LAMA3: variants seen among roughly 807,000 people sequenced by gnomAD.
LAMA3 encodes the protein laminin subunit alpha 3, also known as laminin subunit alpha-3.
Under a neutral mutation model 402.0 loss-of-function variants are expected in LAMA3, and 281 were observed. The ratio of observed to expected loss-of-function variants is 0.70; its 90% CI spans 0.63 to 0.77. The LOEUF (loss-of-function observed/expected upper bound fraction) is 0.77, where lower values mean the gene tolerates loss of function less well. Ranked by LOEUF, LAMA3 falls within the 30% of genes least tolerant of loss-of-function variation. LAMA3 has a pLI of 0.00. For missense variants in LAMA3, 3,840 were observed against 4,215.5 expected (o/e 0.91, Z 2.47); for synonymous variants, 1,431 against 1,558.4 (o/e 0.92, Z 1.93).
At chr18:23,815,321 T>C (rs2063154290) in intron 16 of LAMA3, 81 bp downstream of exon 16, 1 of 1,418,690 alleles carries the variant, frequency 7.0e-7, no homozygotes, top group Middle Eastern at 1.8e-4. Context: ...CGTGTGTTAG[T>C]ACTTCTGTCA....
At chr18:23,801,764 GTTTGAT>G (rs969535196) in intron 12 of LAMA3, among the ~76,000 whole-genome samples, 3 of 152,044 alleles carry the variant, frequency 2.0e-5, no homozygotes, top group African/African-American at 7.2e-5. Flanking sequence ...CTCATTGTGG[GTTTGAT>G]TTTCATTTCC....
chr18:23,807,052 A>G lies in LAMA3; in HGVS notation c.1604-3314A>G, dbSNP rs1288654672. On this transcript the variant is annotated intron_variant, in intron 12 of 74. Transcript: ENST00000313654. ...AATAGTGATATTTTTGTGTATCTCT[A>G]TTACCACATCACACCGATGACTATC... Among the ~76,000 whole-genome samples, 4 of 152,206 alleles carry G rather than the reference A, an allele frequency of 2.6e-5. No homozygotes were observed. In the East Asian group the frequency reaches 7.7e-4, roughly 29 times the overall value.
intron 25 of LAMA3, among the ~76,000 whole-genome samples, chr18:23,838,341 A>G (rs1454646611): frequency 1.3e-5 from 2 of 152,190 alleles, no homozygotes; most frequent in Non-Finnish European, 2.9e-5. Context: ...GTCATTCTTT[A>G]TTAAGAAGGG....
intron 69 of LAMA3, 40 bp downstream of exon 69, chr18:23,944,011 G>A: frequency 6.3e-7 from 1 of 1,593,056 alleles, no homozygotes; most frequent in Non-Finnish European, 8.6e-7. Context: ...AGTTGGTGTG[G>A]AATTCACTGT....
intron 67 of LAMA3, among the ~76,000 whole-genome samples, chr18:23,937,158 G>A (rs942153317): frequency 1.3e-5 from 2 of 152,036 alleles, no homozygotes; most frequent in African/African-American, 4.8e-5. Flanking sequence ...CTGAGGTCAG[G>A]AGTTCAAGAC....
In LAMA3 at chr18:23,901,238, GT is replaced by G. The variant is rs777892220; in HGVS notation, c.6117del (p.Ala2040LeufsTer16). On this transcript the variant is annotated frameshift_variant, in exon 48 of 75. Transcript: ENST00000313654. LOFTEE classifies it high-confidence loss of function. ...TACGAAGCCAAACTCAGTGACCTTC[GT>G]GCTCGGCTGCAGGAGGCAGCTGCCC... ...NEYEAKLSDL[R>X]ARLQEAAAQA... 6.2e-7 allele frequency: 1 copy of G among 1,614,132 alleles called. No homozygotes were observed. Among genetic ancestry groups the G allele is most frequent in the Non-Finnish European group, 8.5e-7 (1 of 1,179,996 alleles).
chr18:23,768,362 C>T (rs1414928034), intron 8 of LAMA3, among the ~76,000 whole-genome samples: 1 of 152,152 alleles, frequency 6.6e-6, no homozygotes. Flanking sequence ...AGAAGACATA[C>T]AAGTGGCCAA....
At chr18:23,826,820 G>A (rs1377215054) in intron 22 of LAMA3, 21 bp downstream of exon 22, 8 of 1,465,648 alleles carry the variant, frequency 5.5e-6, no homozygotes, top group Non-Finnish European at 7.5e-6. Context: ...GGCAGAAGGT[G>A]CAGCCGCATC....
Position 23,864,885 on chromosome 18 carries a change from T to G in LAMA3, c.4683+2T>G, listed in dbSNP as rs765943112. 16 of 1,601,660 alleles carry G rather than the reference T, an allele frequency of 1.0e-5. No individual in the cohort carries two copies. The highest frequency in any genetic ancestry group is 1.3e-5 in the Non-Finnish European group (15 of 1,169,092). ...AAGAAGCCGGATGTACAGCTCACTGTAGGTATCAGAGCATGACCTAAGTGG... is the reference window on the plus strand; with the variant it reads ...AAGAAGCCGGATGTACAGCTCACTGGAGGTATCAGAGCATGACCTAAGTGG... On this transcript the variant is annotated splice_donor_variant, in intron 36 of 74. Transcript: ENST00000313654. LOFTEE classifies it high-confidence loss of function.
intron 6 of LAMA3, among the ~76,000 whole-genome samples, chr18:23,756,629 C>T (rs1248901068): frequency 6.6e-6 from 1 of 152,218 alleles, no homozygotes; most frequent in East Asian, 1.9e-4. Flanking sequence ...CCAGTATCGT[C>T]ATCTGCAAAG....
chr18:23,828,940 T>A (rs1254896770), intron 23 of LAMA3, among the ~76,000 whole-genome samples: 1 of 152,216 alleles, frequency 6.6e-6, no homozygotes, highest in African/African-American at 2.4e-5. Flanking sequence ...TTAGCTTTTT[T>A]AGTATCCTAA....
At position 23,748,032 on chromosome 18, in the gene LAMA3, C is replaced by T; in HGVS notation, c.537C>T (p.Ser179=). ...TGGAAAGATCTGTAGACTTTGGAAG[C>T]ACCTACTCACCATGGCAATATTTTG... ...WVLERSVDFG[S]TYSPWQYFAH... The change falls in exon 3 of 75, where the codon AGC becomes AGT. Residue 179 remains serine, a synonymous_variant. Coordinates refer to ENST00000313654, the MANE Select transcript of LAMA3 (RefSeq NM_198129.4). The T allele has an allele frequency of 6.2e-7, 1 of 1,610,248 alleles. No individual in the cohort carries two copies. Among genetic ancestry groups the T allele is most frequent in the Non-Finnish European group, 8.5e-7 (1 of 1,176,404 alleles).
chr18:23,745,289 C>T (rs1423758531), intron 2 of LAMA3, among the ~76,000 whole-genome samples: 2 of 151,834 alleles, frequency 1.3e-5, no homozygotes, highest in Admixed American at 6.6e-5. Flanking sequence ...TTGAGCTGTC[C>T]TGTAGGAGAG....
In LAMA3 at chr18:23,689,812, C is replaced by A; in HGVS notation, c.129C>A (p.Ala43=). The A allele has an allele frequency of 6.5e-7, 1 of 1,539,756 alleles. No homozygotes were observed. The part of the protein sequence containing the change: ...GATARDPGAA[A]GLSLHPTYFN... ...CCGCTCGGGATCCCGGGGCCGCGGC[C>A]GGGCTCAGCCTTCACCCGACTTACT... The change falls in exon 1 of 75, where the codon GCC becomes GCA. Residue 43 remains alanine (A), a synonymous_variant. Coordinates refer to ENST00000313654, the MANE Select transcript of LAMA3 (RefSeq NM_198129.4).
At chr18:23,804,814 T>A (rs924897130) in intron 12 of LAMA3, among the ~76,000 whole-genome samples, 28 of 152,190 alleles carry the variant, frequency 1.8e-4, no homozygotes, top group African/African-American at 6.3e-4. Flanking sequence ...TCACTTGAGA[T>A]CTGGTTGTTT....
chr18:23,705,072 C>T (rs952996610), intron 1 of LAMA3, among the ~76,000 whole-genome samples: 1 of 152,130 alleles, frequency 6.6e-6, no homozygotes, highest in East Asian at 1.9e-4. Context: ...TCTGAATAGG[C>T]TAATAATATA....
rs2064142663 is a variant in LAMA3, at chr18:23,858,676, T to C, written c.4282-13T>C. 6.2e-7 allele frequency: 1 copy of C among 1,614,138 alleles called. No individual in the cohort carries two copies. The highest frequency in any genetic ancestry group is 2.2e-5 in the East Asian group (1 of 44,884). ...GAACACGTGATCTCTTATTTCATGT[T>C]TTGCTTCAATAGGAAAATGTAGAAG... On this transcript the variant is annotated splice_polypyrimidine_tract_variant and intron_variant, in intron 33 of 74. Transcript: ENST00000313654.
intron 40 of LAMA3, among the ~76,000 whole-genome samples, chr18:23,884,047 GGTGTGTGTGTGTGTGTGTGT>G (rs60711151): frequency 0.011 from 1,578 of 138,872 alleles, 40 homozygotes; most frequent in East Asian, 0.083. Context: ...TGGTCTCTTT[GGTGTGTGTGTGTGTGTGTGT>G]GTGTGTGTGT....
chr18:23,837,200 G>T (rs990530681), intron 25 of LAMA3, 111 bp downstream of exon 25: 2 of 736,246 alleles, frequency 2.7e-6, no homozygotes, highest in Admixed American at 4.0e-5. Flanking sequence ...AATCTGTGAA[G>T]AATTGCCAGT....
Sources: allele counts gnomAD v4.1 joint callset (sites outside exome capture counted in the v4.1 genomes callset), GRCh38; gene constraint gnomAD v4.1.1; transcripts MANE v1.5; gene names NCBI Gene and HGNC (gene_info 2026-07-23, HGNC 2026-07-21).